Variants in LRRTM4 observed in about 807,000 individuals in gnomAD.
The protein encoded by LRRTM4 is leucine rich repeat transmembrane neuronal 4, also known as leucine-rich repeat transmembrane neuronal protein 4.
A neutral mutation model predicts 47.6 loss-of-function variants in LRRTM4; 25 were observed. The ratio of observed to expected loss-of-function variants is 0.53; its 90% CI spans 0.38 to 0.73. The LOEUF (loss-of-function observed/expected upper bound fraction) is 0.73, where lower values mean the gene tolerates loss of function less well. LRRTM4 is among the 30% of genes least tolerant of loss of function. The probability of loss-of-function intolerance (pLI) is 0.00; values close to 1 mark genes in which losing one functional copy is unlikely to be tolerated. For missense variants in LRRTM4, 638 were observed against 713.4 expected (o/e 0.89, Z 1.20); for synonymous variants, 311 against 269.5 (o/e 1.15, Z -1.51).
chr2:76,797,329 G>T (rs911685502), intron 3 of LRRTM4, among the ~76,000 whole-genome samples: 2 of 152,028 alleles, frequency 1.3e-5, no homozygotes, highest in Non-Finnish European at 2.9e-5. Flanking sequence ...TTAAAGAAAA[G>T]AATTTTCAAC....
At chr2:76,942,765 T>G (rs1264036896) in intron 3 of LRRTM4, among the ~76,000 whole-genome samples, 1 of 151,854 alleles carries the variant, frequency 6.6e-6, no homozygotes, top group Non-Finnish European at 1.5e-5. Context: ...ATAATTTACT[T>G]AACATTCTTA....
intron 3 of LRRTM4, among the ~76,000 whole-genome samples, chr2:77,298,109 TAATC>T (rs1307320550): frequency 1.3e-5 from 2 of 152,184 alleles, no homozygotes; most frequent in Non-Finnish European, 2.9e-5. Flanking sequence ...ACGAATGGAT[TAATC>T]AGTCAGTAGG....
At chr2:77,188,768 C>T (rs1354438957) in intron 3 of LRRTM4, among the ~76,000 whole-genome samples, 1 of 152,176 alleles carries the variant, frequency 6.6e-6, no homozygotes. Flanking sequence ...TCTGCCCTCC[C>T]ATTTGCAATG....
At chr2:77,144,898 T>TGA (rs1672215391) in intron 3 of LRRTM4, among the ~76,000 whole-genome samples, 1 of 152,086 alleles carries the variant, frequency 6.6e-6, no homozygotes, top group Non-Finnish European at 1.5e-5. Flanking sequence ...TCTCAAGATG[T>TGA]GAGAGGACAC....
At chr2:77,172,151 A>G (rs1251449034) in intron 3 of LRRTM4, among the ~76,000 whole-genome samples, 1 of 152,258 alleles carries the variant, frequency 6.6e-6, no homozygotes, top group Admixed American at 6.5e-5. Context: ...AAAATAAGCC[A>G]TAAATATAAG....
intron 3 of LRRTM4, among the ~76,000 whole-genome samples, chr2:77,067,399 A>G (rs1679990911): frequency 6.6e-6 from 1 of 152,094 alleles, no homozygotes; most frequent in African/African-American, 2.4e-5. Context: ...AAGCTGGTCA[A>G]CAACAACTTC....
At position 77,371,910 on chromosome 2, in the gene LRRTM4, T is replaced by A. The variant is rs1672669394; in HGVS notation, c.1551+146408A>T. Among the ~76,000 whole-genome samples the A allele has an allele frequency of 2.6e-5, 4 of 151,714 alleles. No homozygotes were observed. The Admixed American group carries it at 2.6e-4, about 10-fold the overall frequency. On this transcript the variant is annotated intron_variant, in intron 3 of 3. Transcript: ENST00000409884. ...AACAAGCTAGTGTGCTAGAGTTTCA[T>A]ACTTACTGGCAGAAGACACAAAATT...
At chr2:77,097,040 A>G (rs1293262366) in intron 3 of LRRTM4, among the ~76,000 whole-genome samples, 1 of 151,938 alleles carries the variant, frequency 6.6e-6, no homozygotes, top group Admixed American at 6.6e-5. Context: ...AAGCAAAGGA[A>G]AAATACATGC....
intron 3 of LRRTM4, among the ~76,000 whole-genome samples, chr2:77,101,953 C>T (rs1311342446): frequency 1.3e-5 from 2 of 152,292 alleles, no homozygotes; most frequent in Non-Finnish European, 2.9e-5. Context: ...TTCCCACATT[C>T]GCTTAGTCCA....
At chr2:77,419,520 C>T (rs1344223878) in intron 3 of LRRTM4, among the ~76,000 whole-genome samples, 1 of 152,014 alleles carries the variant, frequency 6.6e-6, no homozygotes, top group Non-Finnish European at 1.5e-5. Context: ...TAAATAGTTG[C>T]TAGTTGTTAT....
chr2:77,118,128 C>G (rs1465890038), intron 3 of LRRTM4, among the ~76,000 whole-genome samples: 1 of 151,738 alleles, frequency 6.6e-6, no homozygotes, highest in Non-Finnish European at 1.5e-5. Flanking sequence ...TTCTATAAGG[C>G]CAGAGCTTTT....
chr2:76,951,986 C>T (rs191634410), intron 3 of LRRTM4, among the ~76,000 whole-genome samples: 5 of 152,044 alleles, frequency 3.3e-5, no homozygotes, highest in African/African-American at 1.2e-4. Context: ...TCATAGTATT[C>T]CGTGGTGTAT....
chr2:77,030,554 A>G lies in LRRTM4; in HGVS notation c.1552-281638T>C, dbSNP rs1440019935. 2.0e-5 allele frequency among the ~76,000 whole-genome samples: 3 copies of G among 152,340 alleles called. No homozygotes were observed. In the East Asian group the frequency reaches 5.8e-4, roughly 29 times the overall value. The stretch of plus-strand genomic sequence containing the variant: ...AGTGAATATAAATACTTCCAACAGG[A>G]TTTATACTTCCAGAATTTATAGAGG... On this transcript the variant is annotated intron_variant, in intron 3 of 3. Transcript: ENST00000409884.
chr2:77,094,709 T>G (rs1670759993), intron 3 of LRRTM4, among the ~76,000 whole-genome samples: 1 of 152,144 alleles, frequency 6.6e-6, no homozygotes, highest in Non-Finnish European at 1.5e-5. Flanking sequence ...TAAATGGTGT[T>G]AGAAAAACTG....
At chr2:77,375,711 A>G (rs936436383) in intron 3 of LRRTM4, among the ~76,000 whole-genome samples, 1 of 151,748 alleles carries the variant, frequency 6.6e-6, no homozygotes, top group African/African-American at 2.4e-5. Flanking sequence ...CTGGCCTATA[A>G]CATCCAGCAT....
intron 3 of LRRTM4, among the ~76,000 whole-genome samples, chr2:77,070,895 G>A (rs541006552): frequency 3.3e-5 from 5 of 152,136 alleles, no homozygotes; most frequent in Non-Finnish European, 7.4e-5. Context: ...TGGGATTACA[G>A]GTGTGAGCCA....
chr2:76,964,220 T>C (rs1675950661), intron 3 of LRRTM4, among the ~76,000 whole-genome samples: 1 of 150,804 alleles, frequency 6.6e-6, no homozygotes, highest in Non-Finnish European at 1.5e-5. Context: ...GTGTTATGTG[T>C]TGTTTGGAGA....
At chr2:77,436,712 T>G (rs1399004993) in intron 3 of LRRTM4, among the ~76,000 whole-genome samples, 1 of 151,790 alleles carries the variant, frequency 6.6e-6, no homozygotes, top group Non-Finnish European at 1.5e-5. Flanking sequence ...AGTAAAGACA[T>G]AACCAATACA....
intron 3 of LRRTM4, among the ~76,000 whole-genome samples, chr2:76,842,226 G>C (rs1014658044): frequency 2.9e-4 from 44 of 152,276 alleles, no homozygotes; most frequent in African/African-American, 9.6e-4. Context: ...AGGCCTCGGT[G>C]CTTCTGGTTC....
Sources: allele counts gnomAD v4.1 joint callset (sites outside exome capture counted in the v4.1 genomes callset), GRCh38; gene constraint gnomAD v4.1.1; transcripts MANE v1.5; gene names NCBI Gene and HGNC (gene_info 2026-07-23, HGNC 2026-07-21).